The following TLK1 variants were observed in gnomAD, a reference collection of about 807,000 sequenced individuals.
TLK1 encodes the protein tousled like kinase 1, also known as serine/threonine-protein kinase tousled-like 1.
TLK1 carries 24 observed loss-of-function variants against 105.3 expected under a neutral mutation model. The observed-to-expected ratio is 0.23, with a 90% CI of 0.17 to 0.32. TLK1 has a LOEUF of 0.32. Ranked by LOEUF, TLK1 falls within the 10% of genes least tolerant of loss-of-function variation. The pLI is 1.00. For missense variants in TLK1, 558 were observed against 910.5 expected (o/e 0.61, Z 4.98); for synonymous variants, 321 against 310.4 (o/e 1.03, Z -0.36).
At chr2:171,203,815 T>C (rs1693447147) in intron 1 of TLK1, among the ~76,000 whole-genome samples, 1 of 152,138 alleles carries the variant, frequency 6.6e-6, no homozygotes, top group South Asian at 2.1e-4. Context: ...TTTGGGAGGC[T>C]GTAGCTGGTG....
chr2:171,046,412 A>G (rs781773032), intron 10 of TLK1, 50 bp from the exon 11 acceptor site: 2 of 1,491,172 alleles, frequency 1.3e-6, no homozygotes, highest in Non-Finnish European at 1.8e-6. Flanking sequence ...ATTACTTTTC[A>G]AGGCTAAACT....
intron 1 of TLK1, among the ~76,000 whole-genome samples, chr2:171,186,385 G>T (rs913416752): frequency 6.6e-6 from 1 of 152,188 alleles, no homozygotes; most frequent in Non-Finnish European, 1.5e-5. Flanking sequence ...AGATGAGACA[G>T]TCCCCTCCCT....
At chr2:171,195,510 AAAAAAAAAAAAAC>A (rs1306887509) in intron 1 of TLK1, among the ~76,000 whole-genome samples, 5 of 151,646 alleles carry the variant, frequency 3.3e-5, no homozygotes, top group Admixed American at 6.6e-5. Context: ...TCAAAAAAAA[AAAAAAAAAAAAAC>A]ATAATCCACC....
At chr2:171,091,797 T>C (rs1689248368) in intron 2 of TLK1, 1 of 152,224 alleles carries the variant, frequency 6.6e-6, no homozygotes, top group Non-Finnish European at 1.5e-5. Context: ...CAGGCTGGAG[T>C]GCAGTGGCAT....
chr2:171,009,166 G>A (rs1684785596), intron 14 of TLK1, among the ~76,000 whole-genome samples: 1 of 152,080 alleles, frequency 6.6e-6, no homozygotes, highest in Admixed American at 6.6e-5. Context: ...ACAAAAAATA[G>A]TGCATGGTTG....
chr2:171,162,994 G>A (rs1173459588), upstream of TLK1, among the ~76,000 whole-genome samples: 1 of 152,180 alleles, frequency 6.6e-6, no homozygotes. Flanking sequence ...GTTTCACCAT[G>A]TTGGCCAGGC....
intron 12 of TLK1, among the ~76,000 whole-genome samples, chr2:171,021,424 C>T (rs1433190706): frequency 6.8e-6 from 1 of 147,306 alleles, no homozygotes; most frequent in Non-Finnish European, 1.5e-5. Flanking sequence ...TCCTGCTTTC[C>T]CGCCCCGACT....
intron 2 of TLK1, among the ~76,000 whole-genome samples, chr2:171,116,806 G>A (rs1371241335): frequency 6.6e-6 from 1 of 152,070 alleles, no homozygotes; most frequent in Non-Finnish European, 1.5e-5. Context: ...GTGTTTCTGC[G>A]ATATGGAAAT....
chr2:171,142,086 A>G (rs1234915834), intron 1 of TLK1, among the ~76,000 whole-genome samples: 1 of 152,120 alleles, frequency 6.6e-6, no homozygotes, highest in African/African-American at 2.4e-5. Context: ...AACTTATATC[A>G]CACTTTAACA....
chr2:171,046,403 T>C, intron 10 of TLK1, 41 bp from the exon 11 acceptor site: 7 of 1,507,580 alleles, frequency 4.6e-6, no homozygotes, highest in Non-Finnish European at 6.2e-6. Context: ...TAACCTTCCA[T>C]TACTTTTCAA....
At chr2:171,090,358 ATTAGTT>A (rs56041257) in intron 2 of TLK1, among the ~76,000 whole-genome samples, 58,699 of 151,676 alleles carry the variant, frequency 0.39, 12,626 homozygotes, top group African/African-American at 0.56. Flanking sequence ...TAATTTACTT[ATTAGTT>A]TTAATTATTT....
chr2:171,168,666 A>G (rs1049034435), intron 1 of TLK1, among the ~76,000 whole-genome samples: 1 of 152,234 alleles, frequency 6.6e-6, no homozygotes, highest in Non-Finnish European at 1.5e-5. Context: ...TTAGCTATAG[A>G]TACAAGATAA....
intron 1 of TLK1, among the ~76,000 whole-genome samples, chr2:171,199,807 T>C (rs952391387): frequency 6.6e-6 from 1 of 152,200 alleles, no homozygotes; most frequent in Non-Finnish European, 1.5e-5. Flanking sequence ...AATCAAGGAA[T>C]ATAATGTTTG....
intron 11 of TLK1, among the ~76,000 whole-genome samples, chr2:171,034,645 T>C (rs1686231382): frequency 6.6e-6 from 1 of 152,190 alleles, no homozygotes; most frequent in Admixed American, 6.5e-5. Context: ...GGAAACAGTT[T>C]TGAAACTAGA....
intron 2 of TLK1, among the ~76,000 whole-genome samples, chr2:171,094,905 G>C (rs1368847970): frequency 6.6e-6 from 1 of 152,104 alleles, no homozygotes; most frequent in East Asian, 1.9e-4. Context: ...ACTGCGCCTG[G>C]CCTCAAACTA....
chr2:171,070,297 T>C (rs890263167), intron 3 of TLK1, among the ~76,000 whole-genome samples: 3 of 151,990 alleles, frequency 2.0e-5, no homozygotes, highest in African/African-American at 7.2e-5. Context: ...AACAATCCAC[T>C]TATAGTTTTT....
chr2:171,192,632 A>C (rs1693177570), intron 1 of TLK1, among the ~76,000 whole-genome samples: 1 of 152,180 alleles, frequency 6.6e-6, no homozygotes, highest in Non-Finnish European at 1.5e-5. Flanking sequence ...GTGAGCTGAG[A>C]TCATGCCACT....
chr2:171,019,357 G>C (rs1247280333), intron 12 of TLK1, among the ~76,000 whole-genome samples: 4 of 152,118 alleles, frequency 2.6e-5, no homozygotes, highest in Admixed American at 6.6e-5. Flanking sequence ...TTTTTAAAAA[G>C]AAAAGAAAAT....
At chr2:171,224,715 T>C (rs995928559) in intron 1 of TLK1, among the ~76,000 whole-genome samples, 1 of 152,094 alleles carries the variant, frequency 6.6e-6, no homozygotes, top group African/African-American at 2.4e-5. Context: ...CATCCTAAAA[T>C]TTATATGGAA....
Sources: gnomAD v4.1 joint callset for allele counts (sites outside exome capture counted in the v4.1 genomes callset) on GRCh38, gnomAD v4.1.1 for gene constraint, MANE v1.5 for transcripts, NCBI Gene and HGNC (gene_info 2026-07-23, HGNC 2026-07-21) for gene names.